GRID2: variants seen among roughly 807,000 people sequenced by gnomAD.
GRID2 encodes the protein glutamate receptor ionotropic, delta-2.
Under a neutral mutation model 114.8 loss-of-function variants are expected in GRID2, and 33 were observed. The observed-to-expected ratio is 0.29, with a 90% CI of 0.22 to 0.38. The LOEUF is 0.38. Ranked by LOEUF, GRID2 falls within the 10% of genes least tolerant of loss-of-function variation. The probability of loss-of-function intolerance (pLI) is 1.00; values close to 1 mark genes in which losing one functional copy is unlikely to be tolerated. For missense variants in GRID2, 1,184 were observed against 1,257.7 expected (o/e 0.94, Z 0.89); for synonymous variants, 505 against 449.9 (o/e 1.12, Z -1.55).
chr4:92,893,576 G>A (rs1288915838), intron 2 of GRID2, among the ~76,000 whole-genome samples: 4 of 152,110 alleles, frequency 2.6e-5, no homozygotes, highest in African/African-American at 9.7e-5. Flanking sequence ...TTATAACATA[G>A]TAGCCCATGT....
intron 2 of GRID2, among the ~76,000 whole-genome samples, chr4:92,989,276 C>CA (rs1182397768): frequency 0.034 from 2,528 of 74,072 alleles, 159 homozygotes; most frequent in East Asian, 0.091. Flanking sequence ...GACTCCATCT[C>CA]AAAAAAAAAA....
chr4:93,107,581 C>A (rs908371425), intron 3 of GRID2, among the ~76,000 whole-genome samples: 3 of 152,012 alleles, frequency 2.0e-5, no homozygotes, highest in African/African-American at 7.2e-5. Context: ...CTCTGTCACC[C>A]ATGTTGGAGT....
intron 1 of GRID2, among the ~76,000 whole-genome samples, chr4:92,317,922 G>T (rs1726082885): frequency 6.6e-6 from 1 of 152,046 alleles, no homozygotes; most frequent in Admixed American, 6.6e-5. Flanking sequence ...TATTTATGGT[G>T]ATTTTTAAAA....
chr4:93,146,650 G>A (rs1736289922), intron 4 of GRID2, among the ~76,000 whole-genome samples: 2 of 151,678 alleles, frequency 1.3e-5, no homozygotes, highest in Middle Eastern at 6.8e-3. Context: ...GGAAAGAAGA[G>A]GGAAGGGAGA....
At chr4:93,498,342 AG>A (rs1218966663) in intron 12 of GRID2, among the ~76,000 whole-genome samples, 1 of 151,832 alleles carries the variant, frequency 6.6e-6, no homozygotes. Flanking sequence ...CTTTTTTATA[AG>A]GAACTAATCC....
At chr4:93,514,446 C>CACACAA (rs942017812) in intron 12 of GRID2, among the ~76,000 whole-genome samples, 2 of 151,896 alleles carry the variant, frequency 1.3e-5, no homozygotes, top group Admixed American at 1.3e-4. Context: ...CACACACACA[C>CACACAA]ACACACACAC....
intron 2 of GRID2, among the ~76,000 whole-genome samples, chr4:92,869,977 G>A (rs1181123904): frequency 6.6e-6 from 1 of 151,794 alleles, no homozygotes; most frequent in Non-Finnish European, 1.5e-5. Context: ...AACTACATGA[G>A]GCCAGGAATT....
At chr4:93,721,384 C>A (rs1159540879) in intron 14 of GRID2, among the ~76,000 whole-genome samples, 1 of 152,150 alleles carries the variant, frequency 6.6e-6, no homozygotes, top group East Asian at 1.9e-4. Flanking sequence ...ATTTGTTCAC[C>A]AGGCTAACTA....
chr4:92,378,413 TG>T (rs1399723382), intron 1 of GRID2, among the ~76,000 whole-genome samples: 22 of 152,148 alleles, frequency 1.4e-4, no homozygotes, highest in African/African-American at 5.3e-4. Context: ...GTTTAAGGAT[TG>T]TATTTAATGA....
At chr4:92,318,487 T>C (rs1483949908) in intron 1 of GRID2, among the ~76,000 whole-genome samples, 1 of 147,698 alleles carries the variant, frequency 6.8e-6, no homozygotes, top group Non-Finnish European at 1.5e-5. Context: ...GAGTGCATAC[T>C]ATATGCCTAT....
rs565569895 is a variant in GRID2 at position 92,581,576 on chromosome 4, C to T, written c.89-8555C>T. 1.4e-4 allele frequency among the ~76,000 whole-genome samples: 22 copies of T among 152,110 alleles called. No homozygotes were observed. The South Asian group carries it at 4.4e-3, about 30-fold the overall frequency. ...TTTCACATGTTATTGGAGAGTAAGGCTAAGAAAAGGGTCTTGTGTTAGAAT... is the reference window on the plus strand; with the variant it reads ...TTTCACATGTTATTGGAGAGTAAGGTTAAGAAAAGGGTCTTGTGTTAGAAT... On this transcript the variant is annotated intron_variant, in intron 1 of 15. Transcript: ENST00000282020.
At chr4:92,917,284 C>A (rs1461244607) in intron 2 of GRID2, among the ~76,000 whole-genome samples, 2 of 152,170 alleles carry the variant, frequency 1.3e-5, no homozygotes, top group African/African-American at 2.4e-5. Context: ...GAGTAGATTG[C>A]AAAAATTTTC....
At chr4:92,356,629 T>A (rs1446887325) in intron 1 of GRID2, among the ~76,000 whole-genome samples, 1 of 151,734 alleles carries the variant, frequency 6.6e-6, no homozygotes, top group African/African-American at 2.4e-5. Flanking sequence ...TATATATGTA[T>A]AGATGTTTAT....
chr4:93,742,004 A>G (rs1215922593), intron 14 of GRID2, among the ~76,000 whole-genome samples: 5 of 152,010 alleles, frequency 3.3e-5, no homozygotes, highest in Admixed American at 6.6e-5. Flanking sequence ...ACCACTAACT[A>G]TGGCCAAATC....
rs114297326 is a variant in GRID2 at position 92,562,620 on chromosome 4, T to G, written c.89-27511T>G. 4.3e-3 allele frequency among the ~76,000 whole-genome samples: 655 copies of G among 152,240 alleles called. 1 individual carries two copies. Among genetic ancestry groups the G allele is most frequent in the Middle Eastern group, 0.01 (3 of 294 alleles). On this transcript the variant is annotated intron_variant, in intron 1 of 15. Coordinates refer to ENST00000282020, the MANE Select transcript of GRID2 (RefSeq NM_001510.4). Reference sequence around the variant, plus strand: ...CAGATCAGTGAGGAGCTGCTATGTCTCCTGTGCCCGGTAGGCCCGACCTAG... The same window carrying G: ...CAGATCAGTGAGGAGCTGCTATGTCGCCTGTGCCCGGTAGGCCCGACCTAG...
intron 8 of GRID2, among the ~76,000 whole-genome samples, chr4:93,248,899 G>A (rs182758548): frequency 6.6e-6 from 1 of 152,206 alleles, no homozygotes; most frequent in African/African-American, 2.4e-5. Flanking sequence ...TGACCCATTG[G>A]AGCTATTTAG....
In GRID2 at chr4:92,643,247, C is replaced by A. The variant is rs1471343933; in HGVS notation, c.244+52961C>A. ...TAATCCATGAACATGGAATGTTTTT[C>A]CATGTATTTTTGTTATGTCTGATTT... On this transcript the variant is annotated intron_variant, in intron 2 of 15. Transcript: ENST00000282020. Among the ~76,000 whole-genome samples, 3 of 151,492 alleles carry A rather than the reference C, an allele frequency of 2.0e-5. 1 individual carries two copies. Among genetic ancestry groups the A allele is most frequent in the Non-Finnish European group, 4.4e-5 (3 of 67,822 alleles).
chr4:92,672,220 A>G (rs1733108957), intron 2 of GRID2, among the ~76,000 whole-genome samples: 1 of 152,054 alleles, frequency 6.6e-6, no homozygotes, highest in Admixed American at 6.6e-5. Context: ...TGTTTCACCT[A>G]TATCCTTATT....
At chr4:93,418,535 A>G (rs2149362136) in intron 9 of GRID2, among the ~76,000 whole-genome samples, 1 of 152,190 alleles carries the variant, frequency 6.6e-6, no homozygotes, top group South Asian at 2.1e-4. Context: ...TATTTCCAAT[A>G]TGCATCTGAA....
Sources: allele counts gnomAD v4.1 joint callset (sites outside exome capture counted in the v4.1 genomes callset), GRCh38; gene constraint gnomAD v4.1.1; transcripts MANE v1.5; gene names NCBI Gene and HGNC (gene_info 2026-07-23, HGNC 2026-07-21).